ALLC: variants seen among roughly 807,000 people sequenced by gnomAD.
ALLC encodes the protein probable inactive allantoicase.
ALLC carries 40 observed loss-of-function variants against 45.0 expected under a neutral mutation model. The ratio of observed to expected loss-of-function variants is 0.89; its 90% confidence interval spans 0.69 to 1.16. The LOEUF (loss-of-function observed/expected upper bound fraction) is 1.16, where lower values mean the gene tolerates loss of function less well. ALLC is among the 50% of genes most tolerant of loss of function. The pLI, the probability that ALLC is intolerant of heterozygous loss-of-function variation, is 0.00. For synonymous variants in ALLC, 176 were observed against 178.1 expected (o/e 0.99, Z 0.09); for missense variants, 488 against 493.1 (o/e 0.99, Z 0.10).
chr2:3,649,273 G>A, the ALLC span, among the ~76,000 whole-genome samples: 7 of 144,432 alleles, frequency 4.8e-5, no homozygotes, highest in African/African-American at 1.6e-4. Context: ...ACGGAGTCTC[G>A]CTCTATTGCC....
Position 3,662,171 on chromosome 2 carries a change from G to A in ALLC, c.-63+3877G>A, listed in dbSNP as rs561963042. ...GTTCTGTTTGCAGCCAGAGAAAGTC[G>A]CCTGCTTTTAAGGCCTTGTGTGATG... On this transcript the variant is annotated intron_variant, in intron 1 of 11. Coordinates refer to ENST00000252505, the MANE Select transcript of ALLC (RefSeq NM_018436.4). Among the ~76,000 whole-genome samples the A allele has an allele frequency of 3.9e-5, 6 of 152,260 alleles. No homozygotes were observed. In the East Asian group the frequency reaches 7.7e-4, roughly 20 times the overall value.
the ALLC span, among the ~76,000 whole-genome samples, chr2:3,652,064 A>G: frequency 1.1e-4 from 16 of 152,202 alleles, no homozygotes; most frequent in Admixed American, 6.5e-5. Context: ...ATTTAAGCAC[A>G]AAGGGAATTT....
intron 7 of ALLC, among the ~76,000 whole-genome samples, chr2:3,692,471 T>C (rs545295155): frequency 1.1e-4 from 17 of 152,346 alleles, no homozygotes; most frequent in African/African-American, 3.6e-4. Context: ...CCACTGCCCA[T>C]GTGTTGGACA....
intron 10 of ALLC, among the ~76,000 whole-genome samples, 161 bp downstream of exon 10, chr2:3,697,617 G>GTCTATCTATCTATCTATCTA (rs201656158): frequency 7.2e-6 from 1 of 138,612 alleles, no homozygotes. Flanking sequence ...AACTCTGTCT[G>GTCTATCTATCTATCTATCTA]TCTGTCTATC....
the ALLC span, among the ~76,000 whole-genome samples, chr2:3,651,434 TGTGTGTGTTAGG>T: frequency 8.7e-3 from 528 of 60,552 alleles, 34 homozygotes; most frequent in Admixed American, 0.018. Flanking sequence ...TGTGTGTGTG[TGTGTGTGTTAGG>T]AAGGGAGACG....
At chr2:3,658,568 TA>T (rs111899173) in intron 1 of ALLC, among the ~76,000 whole-genome samples, 18,539 of 151,492 alleles carry the variant, frequency 0.12, 1,260 homozygotes, top group African/African-American at 0.18. Context: ...TTGGCCTTCT[TA>T]AAAAAAAATC....
intron 3 of ALLC, among the ~76,000 whole-genome samples, chr2:3,675,627 C>T (rs1014832364): frequency 3.3e-5 from 5 of 152,030 alleles, no homozygotes; most frequent in Non-Finnish European, 7.4e-5. Context: ...AACACTTACA[C>T]ACTACATATG....
At chr2:3,689,148 T>G (rs1488972572) in intron 7 of ALLC, among the ~76,000 whole-genome samples, 1 of 150,988 alleles carries the variant, frequency 6.6e-6, no homozygotes, top group Non-Finnish European at 1.5e-5. Flanking sequence ...TCCATCACTT[T>G]TGTTTCTTTT....
At chr2:3,695,211 C>T (rs1273410149) in intron 7 of ALLC, 1 of 155,470 alleles carries the variant, frequency 6.4e-6, no homozygotes, top group African/African-American at 2.4e-5. Flanking sequence ...ACTATGTGCC[C>T]AGACCTCTTC....
rs778314243 is a variant in ALLC, at chr2:3,696,288, A to C, written c.681A>C (p.Ala227=). 6.2e-7 allele frequency: 1 copy of C among 1,613,184 alleles called. No individual in the cohort carries two copies. Among genetic ancestry groups the C allele is most frequent in the East Asian group, 2.2e-5 (1 of 44,864 alleles). ...TATTTTCTGTAGGAGTTGGCGGGGC[A>C]AAGTCTATGGCGGATGGTTGGGAAA... ...HPNNIIGVGG[A]KSMADGWETA... Residue 227 remains alanine, a synonymous_variant, in exon 9 of 12, where the codon GCA becomes GCC. Transcript: ENST00000252505.
At chr2:3,676,255 A>T (rs956752898) in intron 3 of ALLC, among the ~76,000 whole-genome samples, 2 of 152,180 alleles carry the variant, frequency 1.3e-5, no homozygotes, top group African/African-American at 4.8e-5. Flanking sequence ...ACATATTTTC[A>T]CAAAGCACTT....
At chr2:3,653,386 G>T (rs987026250), upstream of ALLC, among the ~76,000 whole-genome samples, 8 of 152,238 alleles carry the variant, frequency 5.3e-5, no homozygotes, top group Admixed American at 4.6e-4. This position sits in a 1 kb window ranked among gnomAD's most constrained non-coding sequence, Gnocchi z 4.1. Flanking sequence ...ATCCATTGTG[G>T]CAGGGTTTGG....
At chr2:3,658,122 C>T (rs9308790), upstream of ALLC, 32,845 of 152,358 alleles carry the variant, frequency 0.22, 4,026 homozygotes, top group East Asian at 0.35. Context: ...GTTACTTCCA[C>T]CTCTCTGCAA....
chr2:3,664,601 G>A (rs886158424), intron 1 of ALLC, among the ~76,000 whole-genome samples: 12 of 152,194 alleles, frequency 7.9e-5, no homozygotes, highest in East Asian at 5.8e-4. Flanking sequence ...CAGATGTTTC[G>A]GGCCAGGTGT....
the ALLC span, among the ~76,000 whole-genome samples, chr2:3,650,955 C>T: frequency 6.6e-6 from 1 of 152,358 alleles, no homozygotes; most frequent in African/African-American, 2.4e-5. Flanking sequence ...ATTCCCATAA[C>T]TTCCGAGGAG....
At chr2:3,651,442 T>TGTG in the ALLC span, among the ~76,000 whole-genome samples, 806 of 25,562 alleles carry the variant, frequency 0.032, 276 homozygotes, top group Admixed American at 0.06. Flanking sequence ...TGTGTGTGTG[T>TGTG]TAGGAAGGGA....
Position 3,663,618 on chromosome 2 carries a change from C to A in ALLC, c.-63+5324C>A, listed in dbSNP as rs183536975. Among the ~76,000 whole-genome samples, 5 of 152,130 alleles carry A rather than the reference C, an allele frequency of 3.3e-5. No individual in the cohort carries two copies. The East Asian group carries it at 9.6e-4, about 29-fold the overall frequency. On this transcript the variant is annotated intron_variant, in intron 1 of 11. Transcript: ENST00000252505. Reference sequence around the variant, plus strand: ...AAAGACTCTATGTCAGAAACAGTATCTGCCTGGTGCACAGTAGGTCTTCAA... The same window carrying A: ...AAAGACTCTATGTCAGAAACAGTATATGCCTGGTGCACAGTAGGTCTTCAA...
At chr2:3,656,773 C>G (rs374092146), upstream of ALLC, among the ~76,000 whole-genome samples, 1 of 141,434 alleles carries the variant, frequency 7.1e-6, no homozygotes, top group African/African-American at 3.1e-5. Context: ...GGAGCCAGCT[C>G]GGTGTGGAGG....
chr2:3,655,958 G>T (rs1368700405), upstream of ALLC, among the ~76,000 whole-genome samples: 1 of 152,038 alleles, frequency 6.6e-6, no homozygotes, highest in Admixed American at 6.5e-5. Flanking sequence ...TCCGGTGGGG[G>T]ATGTGGGTAG....
Sources: allele counts gnomAD v4.1 joint callset (sites outside exome capture counted in the v4.1 genomes callset), GRCh38; gene constraint gnomAD v4.1.1; non-coding constraint Gnocchi (gnomAD v3.1); transcripts MANE v1.5; gene names NCBI Gene and HGNC (gene_info 2026-07-23, HGNC 2026-07-21).